The following ZNF704 variants were observed in gnomAD, a reference collection of about 807,000 sequenced individuals.
ZNF704 encodes zinc finger protein 704.
Under a neutral mutation model 44.7 loss-of-function variants are expected in ZNF704, and 10 were observed. That is an observed-to-expected ratio of 0.22 (90% CI 0.14 to 0.38). The LOEUF (loss-of-function observed/expected upper bound fraction) is 0.38. ZNF704 is among the 10% of genes least tolerant of loss of function. ZNF704 has a pLI of 1.00. For missense variants in ZNF704, 390 were observed against 545.5 expected, an observed-to-expected ratio of 0.71 and a Z score of 2.84; for synonymous variants, 211 against 207.6, an observed-to-expected ratio of 1.02 and a Z score of -0.14.
chr8:80,853,282 C>T (rs1042339817), intron 1 of ZNF704, among the ~76,000 whole-genome samples: 4 of 152,108 alleles, frequency 2.6e-5, no homozygotes, highest in African/African-American at 4.8e-5. Context: ...GTGGGAGGGC[C>T]GCTTGGGCCC....
At chr8:80,773,671 A>G (rs1200074268) in intron 2 of ZNF704, among the ~76,000 whole-genome samples, 2 of 152,160 alleles carry the variant, frequency 1.3e-5, no homozygotes, top group East Asian at 3.9e-4. Context: ...TTTGTGATTC[A>G]TTACTGAAGG....
chr8:80,725,467 A>G (rs965437932), intron 2 of ZNF704, among the ~76,000 whole-genome samples: 1 of 152,204 alleles, frequency 6.6e-6, no homozygotes, highest in African/African-American at 2.4e-5. Context: ...TGGAATTAAG[A>G]ACAAGAAGAA....
intron 1 of ZNF704, among the ~76,000 whole-genome samples, chr8:80,840,446 C>T (rs555614562): frequency 2.0e-5 from 3 of 152,300 alleles, no homozygotes; most frequent in Admixed American, 6.5e-5. Flanking sequence ...CACCCCCGCT[C>T]TAAAGTATAC....
intron 7 of ZNF704, among the ~76,000 whole-genome samples, chr8:80,655,682 C>T (rs1818003248): frequency 6.6e-6 from 1 of 152,194 alleles, no homozygotes; most frequent in Admixed American, 6.5e-5. Flanking sequence ...GTAAGCCTCA[C>T]ACTAAAGATG....
intron 2 of ZNF704, among the ~76,000 whole-genome samples, chr8:80,796,126 G>A (rs1807797361): frequency 6.6e-6 from 1 of 152,258 alleles, no homozygotes; most frequent in East Asian, 1.9e-4. Context: ...ACTTGAAACT[G>A]GGTAATTCAT....
chr8:80,730,303 C>A (rs1438748246), intron 2 of ZNF704, among the ~76,000 whole-genome samples: 1 of 151,816 alleles, frequency 6.6e-6, no homozygotes, highest in Non-Finnish European at 1.5e-5. Context: ...TTTGGGAGGC[C>A]GAAGTGGGCA....
At chr8:80,843,577 A>G (rs990116681) in intron 1 of ZNF704, among the ~76,000 whole-genome samples, 8 of 152,238 alleles carry the variant, frequency 5.3e-5, no homozygotes, top group African/African-American at 1.7e-4. Flanking sequence ...ACAGCAGACA[A>G]GTGATAGACA....
chr8:80,697,687 G>A (rs1241698119), intron 2 of ZNF704, among the ~76,000 whole-genome samples: 3 of 152,228 alleles, frequency 2.0e-5, no homozygotes, highest in Admixed American at 1.3e-4. Context: ...GGTTAAATGA[G>A]AAAAGTATAT....
intron 2 of ZNF704, among the ~76,000 whole-genome samples, chr8:80,802,179 T>C (rs1290300427): frequency 2.7e-5 from 2 of 74,036 alleles, no homozygotes; most frequent in African/African-American, 1.1e-4. Flanking sequence ...GAGGCAGTAA[T>C]AAACGCCTAC....
chr8:80,853,242 T>C (rs956282765), intron 1 of ZNF704, among the ~76,000 whole-genome samples: 2 of 152,178 alleles, frequency 1.3e-5, no homozygotes, highest in South Asian at 2.1e-4. Flanking sequence ...GGTGTGTTCC[T>C]GTAATCCCAC....
chr8:80,838,619 T>TGGA (rs1333009640), intron 1 of ZNF704, among the ~76,000 whole-genome samples: 2 of 126,116 alleles, frequency 1.6e-5, no homozygotes, highest in Non-Finnish European at 3.3e-5. Context: ...GAGCAGACCC[T>TGGA]GGAGGAGGAG....
chr8:80,679,132 T>G (rs1465808754), intron 4 of ZNF704, among the ~76,000 whole-genome samples: 2 of 152,140 alleles, frequency 1.3e-5, no homozygotes, highest in East Asian at 3.9e-4. Context: ...ATAATGGCCT[T>G]CCAAGGTTGT....
chr8:80,867,177 G>A (rs981278034), intron 1 of ZNF704, among the ~76,000 whole-genome samples: 1 of 152,164 alleles, frequency 6.6e-6, no homozygotes, highest in Non-Finnish European at 1.5e-5. Flanking sequence ...GTGTATACGT[G>A]TCCCTTGGAA....
intron 2 of ZNF704, among the ~76,000 whole-genome samples, chr8:80,717,107 G>A (rs1819083216): frequency 6.6e-6 from 1 of 152,168 alleles, no homozygotes; most frequent in South Asian, 2.1e-4. Flanking sequence ...AACCTTGGCA[G>A]GGAAAGATTT....
chr8:80,840,417 G>A (rs750167021), intron 1 of ZNF704, among the ~76,000 whole-genome samples: 1 of 152,148 alleles, frequency 6.6e-6, no homozygotes, highest in East Asian at 1.9e-4. Context: ...ATGTGGCCCA[G>A]GGAAGCCAAA....
At chr8:80,867,675 A>G (rs533302282) in intron 1 of ZNF704, among the ~76,000 whole-genome samples, 5 of 152,348 alleles carry the variant, frequency 3.3e-5, no homozygotes, top group African/African-American at 1.2e-4. Flanking sequence ...ACCATTTGCA[A>G]GACACATACT....
At chr8:80,834,880 T>G (rs1171194962) in intron 1 of ZNF704, among the ~76,000 whole-genome samples, 2 of 152,242 alleles carry the variant, frequency 1.3e-5, no homozygotes, top group African/African-American at 4.8e-5. Context: ...TTTTTATGGC[T>G]GCATAGTATT....
At chr8:80,766,001 A>G (rs1322527601) in intron 2 of ZNF704, among the ~76,000 whole-genome samples, 1 of 152,188 alleles carries the variant, frequency 6.6e-6, no homozygotes, top group Non-Finnish European at 1.5e-5. Flanking sequence ...TCATTTAGCA[A>G]TTAAAAAAAA....
intron 4 of ZNF704, among the ~76,000 whole-genome samples, chr8:80,674,672 C>T (rs528516891): frequency 6.6e-6 from 1 of 152,154 alleles, no homozygotes; most frequent in Non-Finnish European, 1.5e-5. Context: ...CCCAATGACC[C>T]AAACACCTCC....
Sources: gnomAD v4.1 joint callset for allele counts (sites outside exome capture counted in the v4.1 genomes callset) on GRCh38, gnomAD v4.1.1 for gene constraint, MANE v1.5 for transcripts, NCBI Gene and HGNC (gene_info 2026-07-23, HGNC 2026-07-21) for gene names.